FBXW7: variants seen among roughly 807,000 people sequenced by gnomAD.
FBXW7 encodes the protein F-box and WD repeat domain containing 7, also known as F-box/WD repeat-containing protein 7.
A neutral mutation model predicts 86.3 loss-of-function variants in FBXW7; 11 were observed. The ratio of observed to expected loss-of-function variants is 0.13; its 90% CI spans 0.08 to 0.21. FBXW7 has a LOEUF of 0.21. FBXW7 is among the 10% of genes least tolerant of loss of function. The pLI is 1.00. For missense variants in FBXW7, 488 were observed against 847.4 expected (o/e 0.58, Z 5.27); for synonymous variants, 313 against 297.9 (o/e 1.05, Z -0.52).
intron 2 of FBXW7, among the ~76,000 whole-genome samples, chr4:152,529,460 A>T (rs1749816728): frequency 6.6e-6 from 1 of 152,204 alleles, no homozygotes; most frequent in Admixed American, 6.5e-5. Flanking sequence ...ACTAACTAAA[A>T]AGTGATCATT....
chr4:152,445,760 A>T (rs1741315674), intron 2 of FBXW7, among the ~76,000 whole-genome samples: 1 of 152,038 alleles, frequency 6.6e-6, no homozygotes, highest in Non-Finnish European at 1.5e-5. Context: ...ATACAAAAAA[A>T]TTAGCTGGGT....
intron 6 of FBXW7, among the ~76,000 whole-genome samples, chr4:152,341,924 T>C (rs934209142): frequency 6.6e-6 from 1 of 152,166 alleles, no homozygotes; most frequent in African/African-American, 2.4e-5. Flanking sequence ...TTTTAGGAGA[T>C]ACTGTCGTTG....
intron 2 of FBXW7, among the ~76,000 whole-genome samples, chr4:152,468,030 T>C (rs1471764659): frequency 6.6e-6 from 1 of 152,020 alleles, no homozygotes. Flanking sequence ...AAAGAAGATA[T>C]ATGGTCAATA....
chr4:152,479,418 T>C (rs951171487), intron 2 of FBXW7, among the ~76,000 whole-genome samples: 10 of 152,270 alleles, frequency 6.6e-5, no homozygotes, highest in African/African-American at 1.9e-4. Context: ...TGAAAATTTA[T>C]GTATAACATT....
chr4:152,462,741 G>A (rs1017198026), intron 2 of FBXW7, among the ~76,000 whole-genome samples: 1 of 152,082 alleles, frequency 6.6e-6, no homozygotes, highest in African/African-American at 2.4e-5. Flanking sequence ...ATAATTGTTA[G>A]CTGAAAGATG....
chr4:152,481,809 A>G (rs1744907107), intron 2 of FBXW7, among the ~76,000 whole-genome samples: 2 of 152,216 alleles, frequency 1.3e-5, no homozygotes, highest in South Asian at 4.1e-4. Flanking sequence ...TCTCAAAATA[A>G]AATTTTAATG....
chr4:152,430,568 A>G (rs763889154), intron 2 of FBXW7, among the ~76,000 whole-genome samples: 14 of 152,052 alleles, frequency 9.2e-5, no homozygotes, highest in African/African-American at 1.4e-4. Flanking sequence ...AAAAAAGAAC[A>G]GTTTTAAGTG....
intron 4 of FBXW7, chr4:152,382,353 T>C (rs375931237): frequency 2.6e-6 from 4 of 1,556,322 alleles, no homozygotes; most frequent in Non-Finnish European, 3.5e-6. Context: ...CTCCTCTTGG[T>C]TGACGAATAC....
chr4:152,444,304 G>A (rs541341413), intron 2 of FBXW7, among the ~76,000 whole-genome samples: 10 of 151,330 alleles, frequency 6.6e-5, no homozygotes, highest in Admixed American at 6.6e-4. Flanking sequence ...ATGGCTGGAT[G>A]GTTAGTCCAA....
At chr4:152,463,464 A>C (rs1743142058) in intron 2 of FBXW7, among the ~76,000 whole-genome samples, 2 of 152,184 alleles carry the variant, frequency 1.3e-5, no homozygotes, top group Admixed American at 6.5e-5. Context: ...CAAACTTAGG[A>C]CCAAAATATG....
At chr4:152,469,309 C>A in intron 2 of FBXW7, among the ~76,000 whole-genome samples, 1 of 151,986 alleles carries the variant, frequency 6.6e-6, no homozygotes. Flanking sequence ...CACCATAGTA[C>A]ACAGGTATAA....
chr4:152,527,097 T>G (rs1427087691), intron 2 of FBXW7, among the ~76,000 whole-genome samples: 3 of 152,226 alleles, frequency 2.0e-5, no homozygotes, highest in Non-Finnish European at 4.4e-5. Flanking sequence ...GGCACTGGAT[T>G]AAGAGCTTTG....
At position 152,384,925 on chromosome 4, in the gene FBXW7, T is replaced by C. The variant is rs144126899; in HGVS notation, c.501+26378A>G. Among the ~76,000 whole-genome samples, 33 of 152,174 alleles carry C rather than the reference T, an allele frequency of 2.2e-4. No homozygotes were observed. The East Asian group carries it at 4.0e-3, about 19-fold the overall frequency. ...TGCAGAATGAATACTAGGTTCATGC[T>C]AGTCTTAGCATCTCCTCAGATGTTC... On this transcript the variant is annotated intron_variant, in intron 4 of 13. Transcript: ENST00000281708.
chr4:152,348,148 T>G (rs531798144), intron 5 of FBXW7, among the ~76,000 whole-genome samples: 43 of 152,090 alleles, frequency 2.8e-4, no homozygotes, highest in African/African-American at 1.0e-3. Flanking sequence ...CCTCCAGCTG[T>G]TTTTTTCTAT....
intron 2 of FBXW7, among the ~76,000 whole-genome samples, chr4:152,510,445 G>T (rs545591324): frequency 6.6e-6 from 1 of 152,026 alleles, no homozygotes; most frequent in African/African-American, 2.4e-5. Context: ...CAAAACTTAC[G>T]TATTATCAAC....
At chr4:152,372,681 T>C (rs1420541517) in intron 4 of FBXW7, among the ~76,000 whole-genome samples, 1 of 151,988 alleles carries the variant, frequency 6.6e-6, no homozygotes, top group Non-Finnish European at 1.5e-5. Flanking sequence ...TTTTCATCTG[T>C]CTTCTATATT....
rs377609320 is a variant in FBXW7, at chr4:152,382,373, G to A, written c.501+28930C>T. 4 of 1,464,674 alleles carry A rather than the reference G, an allele frequency of 2.7e-6. No individual in the cohort carries two copies. In the African/African-American group the frequency reaches 5.8e-5, roughly 21 times the overall value. The allele number at this position is 1,464,674 out of a possible 1,614,324, so 90.7% of individuals were successfully genotyped here. A position where few individuals can be genotyped will look rare whatever the true frequency, so the allele number is the denominator to read the frequency against. On this transcript the variant is annotated intron_variant, in intron 4 of 13. Coordinates refer to ENST00000281708, the MANE Select transcript of FBXW7 (RefSeq NM_001349798.2). ...CTTGGTTGACGAATACTCTCTACAT[G>A]TAATACAGGCACATTACTAAAAGCT...
intron 2 of FBXW7, among the ~76,000 whole-genome samples, chr4:152,458,187 T>A (rs903522595): frequency 6.6e-6 from 1 of 151,922 alleles, no homozygotes; most frequent in African/African-American, 2.4e-5. Flanking sequence ...GCGCAGCTAA[T>A]TTTTGTATTT....
At position 152,324,470 on chromosome 4, in the gene FBXW7, A is replaced by C; in HGVS notation, c.1645-76T>G. The C allele has an allele frequency of 6.6e-6, 8 of 1,211,124 alleles. No individual in the cohort carries two copies. In the South Asian group the frequency reaches 8.3e-5, roughly 13 times the overall value. 75.0% of individuals were successfully genotyped at this position (1,211,124 alleles called of 1,614,324 possible). A position where few individuals can be genotyped will look rare whatever the true frequency, so the allele number is the denominator to read the frequency against. ...AATTACTGACCTTAATCCTAGTAGGAAAGGGGGAAGAGGATGGGAAACAGG... is the reference window on the plus strand; with the variant it reads ...AATTACTGACCTTAATCCTAGTAGGCAAGGGGGAAGAGGATGGGAAACAGG... On this transcript the variant is annotated intron_variant, in intron 12 of 13. Coordinates refer to ENST00000281708, the MANE Select transcript of FBXW7 (RefSeq NM_001349798.2).
Sources: gnomAD v4.1 joint callset for allele counts (sites outside exome capture counted in the v4.1 genomes callset) on GRCh38, gnomAD v4.1.1 for gene constraint, MANE v1.5 for transcripts, NCBI Gene and HGNC (gene_info 2026-07-23, HGNC 2026-07-21) for gene names.